The following PARM1 variants were observed in gnomAD, a reference collection of about 807,000 sequenced individuals.
The protein encoded by PARM1 is prostate androgen-regulated mucin-like protein 1.
PARM1 carries 14 observed loss-of-function variants against 24.6 expected under a neutral mutation model. That is an observed-to-expected ratio of 0.57 (90% CI 0.38 to 0.89). PARM1 has a LOEUF of 0.89. Among genes scored for constraint, PARM1 ranks in the 40% least tolerant of loss-of-function variants. The pLI is 0.00. For synonymous variants in PARM1, 179 were observed against 156.6 expected (o/e 1.14, Z -1.07); for missense variants, 362 against 380.4 (o/e 0.95, Z 0.40).
At chr4:74,983,609 C>G (rs113508554) in intron 1 of PARM1, among the ~76,000 whole-genome samples, 2 of 152,204 alleles carry the variant, frequency 1.3e-5, no homozygotes, top group African/African-American at 4.8e-5. Context: ...GCCCATGGCT[C>G]TATTCCTTCA....
At chr4:74,971,433 G>A (rs1372696487) in intron 1 of PARM1, among the ~76,000 whole-genome samples, 1 of 152,116 alleles carries the variant, frequency 6.6e-6, no homozygotes, top group Non-Finnish European at 1.5e-5. Flanking sequence ...TGGGGATACA[G>A]CCAAATCATA....
At chr4:75,016,417 C>A (rs1722988353) in intron 2 of PARM1, among the ~76,000 whole-genome samples, 1 of 152,086 alleles carries the variant, frequency 6.6e-6, no homozygotes, top group African/African-American at 2.4e-5. Context: ...ATCATTTCAA[C>A]TTTTATTTTA....
intron 2 of PARM1, among the ~76,000 whole-genome samples, chr4:75,015,774 A>G (rs1722973436): frequency 6.6e-6 from 1 of 152,202 alleles, no homozygotes; most frequent in South Asian, 2.1e-4. Flanking sequence ...CAGTGGCAGC[A>G]TTGGGCCCTG....
chr4:74,981,783 A>T (rs917219040), intron 1 of PARM1, among the ~76,000 whole-genome samples: 1 of 151,712 alleles, frequency 6.6e-6, no homozygotes, highest in Non-Finnish European at 1.5e-5. Context: ...GCTGAGGCAG[A>T]AGAATCGCTT....
Position 75,000,258 on chromosome 4 carries a change from C to G in PARM1, c.44-12167C>G, listed in dbSNP as rs74735749. Among the ~76,000 whole-genome samples, 1,337 of 152,302 alleles carry G rather than the reference C, an allele frequency of 8.8e-3. 14 individuals carry two copies. The highest frequency in any genetic ancestry group is 0.017 in the Middle Eastern group (5 of 294). On this transcript the variant is annotated intron_variant, in intron 1 of 3. Coordinates refer to ENST00000307428, the MANE Select transcript of PARM1 (RefSeq NM_015393.4). Reference sequence around the variant, plus strand: ...ATAGTAGCCTCATATTGATTGAGCTCTTTGTGTTAGGCATTGTGATTAGCT... The same window carrying G: ...ATAGTAGCCTCATATTGATTGAGCTGTTTGTGTTAGGCATTGTGATTAGCT...
intron 1 of PARM1, chr4:74,955,946 C>G (rs1478265393): frequency 1.3e-5 from 2 of 152,160 alleles, no homozygotes; most frequent in South Asian, 4.1e-4. Context: ...AAAGTTTAGA[C>G]CTCCAAAAAA....
chr4:75,022,074 C>T (rs527750621), intron 2 of PARM1, among the ~76,000 whole-genome samples: 1 of 152,300 alleles, frequency 6.6e-6, no homozygotes, highest in African/African-American at 2.4e-5. Context: ...GAATTTCCAC[C>T]AGCAGTGTAT....
intron 1 of PARM1, among the ~76,000 whole-genome samples, chr4:74,937,003 A>T (rs1721207793): frequency 6.6e-6 from 1 of 152,126 alleles, no homozygotes; most frequent in African/African-American, 2.4e-5. Context: ...TCCCTTGGTG[A>T]TTAAGATGTA....
intron 2 of PARM1, among the ~76,000 whole-genome samples, chr4:75,033,331 C>T (rs1366660271): frequency 6.6e-6 from 1 of 152,182 alleles, no homozygotes; most frequent in East Asian, 1.9e-4. Context: ...TTGATTGCCT[C>T]ATTAAAATTA....
chr4:74,979,687 C>G (rs1306788886), intron 1 of PARM1, among the ~76,000 whole-genome samples: 2 of 152,114 alleles, frequency 1.3e-5, no homozygotes, highest in Non-Finnish European at 2.9e-5. Context: ...AGGCCAACAT[C>G]CCTGATGAAC....
intron 1 of PARM1, among the ~76,000 whole-genome samples, chr4:74,998,460 A>G (rs965475007): frequency 6.6e-6 from 1 of 152,252 alleles, no homozygotes; most frequent in Non-Finnish European, 1.5e-5. Context: ...ATGAGGATTC[A>G]CCATGGAGTT....
intron 1 of PARM1, among the ~76,000 whole-genome samples, chr4:74,937,273 G>C (rs1721213951): frequency 6.6e-6 from 1 of 152,174 alleles, no homozygotes; most frequent in Non-Finnish European, 1.5e-5. Context: ...TTTGTTGGGG[G>C]TGGTTGTGAA....
chr4:75,008,316 C>T (rs1225570825), intron 1 of PARM1, among the ~76,000 whole-genome samples: 1 of 152,232 alleles, frequency 6.6e-6, no homozygotes, highest in Non-Finnish European at 1.5e-5. Flanking sequence ...TGAATGACCA[C>T]TTCCAGTCCT....
chr4:75,033,921 G>C lies in PARM1; in HGVS notation c.808G>C (p.Val270Leu). 6.2e-7 allele frequency: 1 copy of C among 1,604,136 alleles called. No individual in the cohort carries two copies. Among genetic ancestry groups the C allele is most frequent in the Non-Finnish European group, 8.5e-7 (1 of 1,175,286 alleles). Residue 270 changes from valine (V) to leucine (L), a missense_variant, in exon 3 of 4, where the codon GTG becomes CTG. Transcript: ENST00000307428. ...AAITVTVIAV[V>L]LLVFGVAAYL... ...CATTACCGTGACAGTCATTGCCGTG[G>C]TGCTGCTGGTGTTTGGAGTTGCAGC...
intron 1 of PARM1, chr4:74,970,147 A>T (rs995308216): frequency 1.3e-5 from 2 of 152,242 alleles, no homozygotes; most frequent in Admixed American, 6.5e-5. Context: ...CATATGAAGA[A>T]TTAGAGGCCA....
intron 3 of PARM1, among the ~76,000 whole-genome samples, chr4:75,039,400 G>A (rs779190968): frequency 2.6e-5 from 4 of 152,094 alleles, no homozygotes; most frequent in Non-Finnish European, 4.4e-5. Flanking sequence ...TGGCCCTGGT[G>A]GCAGGCACCT....
chr4:74,943,238 T>C (rs1721348963), intron 1 of PARM1, among the ~76,000 whole-genome samples: 1 of 152,182 alleles, frequency 6.6e-6, no homozygotes, highest in African/African-American at 2.4e-5. Flanking sequence ...CATCCCTCCT[T>C]ACCCCTCACT....
intron 1 of PARM1, among the ~76,000 whole-genome samples, chr4:74,946,723 A>C (rs1024709180): frequency 1.3e-5 from 2 of 152,224 alleles, no homozygotes; most frequent in Non-Finnish European, 2.9e-5. Context: ...GGACAATTTG[A>C]GCATTGATGA....
chr4:75,031,459 G>C (rs1723276404), intron 2 of PARM1, among the ~76,000 whole-genome samples: 1 of 151,944 alleles, frequency 6.6e-6, no homozygotes, highest in Non-Finnish European at 1.5e-5. Context: ...TTTGAAGATT[G>C]GGGGTACACT....
Sources: allele counts gnomAD v4.1 joint callset (sites outside exome capture counted in the v4.1 genomes callset), GRCh38; gene constraint gnomAD v4.1.1; transcripts MANE v1.5; gene names NCBI Gene and HGNC (gene_info 2026-07-23, HGNC 2026-07-21).